SLC22A2: variants seen among roughly 807,000 people sequenced by gnomAD.
SLC22A2 encodes the protein solute carrier family 22 member 2.
A neutral mutation model predicts 60.5 loss-of-function variants in SLC22A2; 46 were observed. That is an observed-to-expected ratio of 0.76 (90% CI 0.60 to 0.97). The LOEUF (loss-of-function observed/expected upper bound fraction) is 0.97. Among genes scored for constraint, SLC22A2 ranks in the 50% least tolerant of loss-of-function variants. The pLI is 0.00. For missense variants in SLC22A2, 701 were observed against 706.6 expected (o/e 0.99, Z 0.09); for synonymous variants, 303 against 267.0 (o/e 1.13, Z -1.31).
intron 2 of SLC22A2, among the ~76,000 whole-genome samples, chr6:160,253,986 T>C (rs1434341166): frequency 2.0e-5 from 3 of 152,186 alleles, no homozygotes; most frequent in African/African-American, 4.8e-5. Flanking sequence ...ACAGTAAATA[T>C]AGCACTTATG....
At chr6:160,221,250 C>T (rs1055522404) in intron 10 of SLC22A2, among the ~76,000 whole-genome samples, 1 of 152,202 alleles carries the variant, frequency 6.6e-6, no homozygotes, top group Non-Finnish European at 1.5e-5. Flanking sequence ...TTTCCTTAAG[C>T]CTTATGAACC....
intron 10 of SLC22A2, among the ~76,000 whole-genome samples, chr6:160,221,080 A>G (rs1178020542): frequency 6.6e-6 from 1 of 152,214 alleles, no homozygotes; most frequent in Non-Finnish European, 1.5e-5. Context: ...CCTAAATGGC[A>G]TCTTCTTCCA....
At position 160,258,522 on chromosome 6, in the gene SLC22A2, C is replaced by G; in HGVS notation, c.236G>C (p.Gly79Ala). Residue 79 changes from glycine (G) to alanine (A), a missense_variant, in exon 1 of 11, where the codon GGA becomes GCA. Physicochemically the swap from Gly to Ala is moderately conservative, Grantham distance 60. Coordinates refer to ENST00000366953, the MANE Select transcript of SLC22A2 (RefSeq NM_003058.4). Reference sequence around the variant, plus strand: ...TCTTGGGGAGGCTTCGCCCGCAGGTCCTGGGCCCGGCACCGTGTAGTTCAG... The same window carrying G: ...TCTTGGGGAGGCTTCGCCCGCAGGTGCTGGGCCCGGCACCGTGTAGTTCAG... ...EELNYTVPGP[G>A]PAGEASPRQC... 6.2e-7 allele frequency: 1 copy of G among 1,614,132 alleles called. No homozygotes were observed. The highest frequency in any genetic ancestry group is 8.5e-7 in the Non-Finnish European group (1 of 1,180,000).
rs766844924 is a variant in SLC22A2, at chr6:160,245,544, C to T, written c.959G>A (p.Arg320His). The T allele has an allele frequency of 4.2e-5, 68 of 1,603,128 alleles. No individual in the cohort carries two copies. Among genetic ancestry groups the T allele is most frequent in the South Asian group, 7.8e-5 (7 of 89,710 alleles). ...NGKSLPASLQRLRLEEETGKK... is the reference protein window; with the variant it reads ...NGKSLPASLQHLRLEEETGKK... ...GCCAGTTTCCTCTTCAAGTCTCAGG[C>T]GCTAAGAAAAGGAATAGAAAGGACG... Residue 320 changes from arginine to histidine, a missense_variant and splice_region_variant, in exon 6 of 11, where the codon CGC (arginine) becomes CAC (histidine). Arg to His is a conservative substitution (Grantham distance 29). Transcript: ENST00000366953.
intron 2 of SLC22A2, among the ~76,000 whole-genome samples, chr6:160,251,971 A>T (rs1047905894): frequency 1.3e-5 from 2 of 152,154 alleles, no homozygotes; most frequent in Non-Finnish European, 2.9e-5. Flanking sequence ...TTTCATTTTT[A>T]AAAATTTTTA....
intron 2 of SLC22A2, among the ~76,000 whole-genome samples, chr6:160,254,871 A>G (rs915256463): frequency 6.6e-6 from 1 of 152,218 alleles, no homozygotes; most frequent in African/African-American, 2.4e-5. Context: ...TTTATGACCA[A>G]TCTCCTACTT....
intron 9 of SLC22A2, among the ~76,000 whole-genome samples, chr6:160,231,323 C>A (rs1256396518): frequency 2.6e-5 from 4 of 151,722 alleles, no homozygotes; most frequent in Admixed American, 2.6e-4. Flanking sequence ...CATCTCATTG[C>A]CGTCCTTCTT....
At chr6:160,222,039 T>G (rs897231121) in intron 10 of SLC22A2, among the ~76,000 whole-genome samples, 1 of 152,062 alleles carries the variant, frequency 6.6e-6, no homozygotes, top group Non-Finnish European at 1.5e-5. Flanking sequence ...TAAAATGAAG[T>G]GCAATAAAAG....
chr6:160,223,500 G>A (rs143570696), intron 10 of SLC22A2, among the ~76,000 whole-genome samples: 184 of 152,174 alleles, frequency 1.2e-3, no homozygotes, highest in East Asian at 3.9e-3. Flanking sequence ...CCTTGTCAGC[G>A]TATGTGAAAT....
chr6:160,223,932 A>G (rs983503766), intron 10 of SLC22A2, among the ~76,000 whole-genome samples: 12 of 152,048 alleles, frequency 7.9e-5, no homozygotes, highest in Non-Finnish European at 1.8e-4. Flanking sequence ...GGGTTTCACC[A>G]TGTTACCCAG....
At chr6:160,232,942 T>A (rs1373394922) in intron 9 of SLC22A2, among the ~76,000 whole-genome samples, 16 of 151,936 alleles carry the variant, frequency 1.1e-4, no homozygotes, top group Admixed American at 1.0e-3. Context: ...TATTCTGTCA[T>A]CATTTCGTAG....
intron 9 of SLC22A2, among the ~76,000 whole-genome samples, chr6:160,230,325 A>C (rs559180187): frequency 1.3e-5 from 2 of 151,966 alleles, no homozygotes; most frequent in East Asian, 3.9e-4. Flanking sequence ...AGTCAAGGTT[A>C]ATGTTCCTTT....
rs773286352 is a variant in SLC22A2 at position 160,258,685 on chromosome 6, G to A, written c.73C>T (p.Leu25Phe). ...AAGGTAGCCGAGAGCAGAGCCAAGA[G>A]GAAAAACATTTGCTTCTGGAAAAAG... is the stretch of plus-strand genomic sequence containing the variant. ...FHFFQKQMFF[L>F]LALLSATFAP... Residue 25 changes from leucine to phenylalanine, a missense_variant, in exon 1 of 11, where the codon CTC becomes TTC. By Grantham distance (22) the Leu-to-Phe change is conservative. Coordinates refer to ENST00000366953, the MANE Select transcript of SLC22A2 (RefSeq NM_003058.4). The A allele has an allele frequency of 1.9e-6, 3 of 1,608,744 alleles. No homozygotes were observed. The highest frequency in any genetic ancestry group is 2.5e-6 in the Non-Finnish European group (3 of 1,177,254).
intron 9 of SLC22A2, among the ~76,000 whole-genome samples, chr6:160,238,920 C>T (rs315986): frequency 0.93 from 141,073 of 152,054 alleles, 65,605 homozygotes; most frequent in African/African-American, 0.98. Flanking sequence ...CTGTCTTGGA[C>T]AGGGGCTGGG....
chr6:160,231,424 G>A (rs1223655417), intron 9 of SLC22A2, among the ~76,000 whole-genome samples: 7 of 151,462 alleles, frequency 4.6e-5, no homozygotes, highest in Non-Finnish European at 1.0e-4. Flanking sequence ...CCTGGCAACC[G>A]ATCACATGCC....
At chr6:160,217,964 T>G (rs13195185) in intron 10 of SLC22A2, 24,714 of 159,886 alleles carry the variant, frequency 0.15, 2,735 homozygotes, top group African/African-American at 0.31. Context: ...CTCAATCATC[T>G]TGTCTTCGTG....
chr6:160,253,699 A>G (rs1012627337), intron 2 of SLC22A2, among the ~76,000 whole-genome samples: 8 of 152,234 alleles, frequency 5.3e-5, no homozygotes, highest in African/African-American at 1.9e-4. Context: ...CAACTAAATT[A>G]TATTGAAAGC....
intron 9 of SLC22A2, among the ~76,000 whole-genome samples, chr6:160,229,479 AC>A (rs1782781955): frequency 6.6e-6 from 1 of 151,856 alleles, no homozygotes; most frequent in South Asian, 2.1e-4. Flanking sequence ...TCATTCACCC[AC>A]ATTCCTTGGT....
intron 10 of SLC22A2, among the ~76,000 whole-genome samples, chr6:160,223,952 G>A (rs1015906233): frequency 6.6e-6 from 1 of 152,020 alleles, no homozygotes. Context: ...GGCTGATCTC[G>A]ATCTCCTGAC....
Sources: gnomAD v4.1 joint callset for allele counts (sites outside exome capture counted in the v4.1 genomes callset) on GRCh38, gnomAD v4.1.1 for gene constraint, MANE v1.5 for transcripts, NCBI Gene and HGNC (gene_info 2026-07-23, HGNC 2026-07-21) for gene names.